SH2B3: variants seen among roughly 807,000 people sequenced by gnomAD.
The protein encoded by SH2B3 is SH2B adaptor protein 3.
In SH2B3, 43 loss-of-function variants were observed where a neutral mutation model predicts 51.9. The observed-to-expected ratio is 0.83, with a 90% CI of 0.65 to 1.07. The LOEUF (loss-of-function observed/expected upper bound fraction) is 1.07. Among genes scored for constraint, SH2B3 ranks in the 50% least tolerant of loss-of-function variants. The pLI is 0.00. For missense variants in SH2B3, 952 were observed against 834.3 expected (o/e 1.14, Z -1.74); for synonymous variants, 396 against 376.0 (o/e 1.05, Z -0.62).
In SH2B3 at chr12:111,429,044, AGG is replaced by A. The variant is rs1299234526; in HGVS notation, c.732+10168_732+10169del. Among the ~76,000 whole-genome samples, 10 of 139,386 alleles carry A rather than the reference AGG, an allele frequency of 7.2e-5. No homozygotes were observed. In the South Asian group the frequency reaches 9.1e-4, roughly 13 times the overall value. 91.4% of individuals were successfully genotyped at this position (139,386 alleles called of 152,430 possible). ...GAGGAGGAGGAGGAGGAGGAGGAGG[AGG>A]AAGAGGAGGAGGAGGAGGAGGAGGG... On this transcript the variant is annotated intron_variant, in intron 2 of 7. Transcript: ENST00000341259. The surrounding 1 kb of genome is among the most constrained non-coding windows in gnomAD (Gnocchi z 4.4).
At position 111,407,630 on chromosome 12, in the gene SH2B3, G is replaced by A. The variant is rs961359202; in HGVS notation, c.-28+1353G>A. Among the ~76,000 whole-genome samples the A allele has an allele frequency of 1.3e-5, 2 of 152,252 alleles. No homozygotes were observed. The highest frequency in any genetic ancestry group is 2.1e-4 in the South Asian group (1 of 4,836). ...AGGGCCTACTGGGGGAAGTTGGAAG[G>A]GTTTTTAGTGCACTTTTCCTGAGCC... On this transcript the variant is annotated intron_variant, in intron 1 of 7. Transcript: ENST00000341259. This position sits in a 1 kb window ranked among gnomAD's most constrained non-coding sequence, Gnocchi z 4.3.
At position 111,406,304 on chromosome 12, in the gene SH2B3, C is replaced by A. The variant is rs1870239932; in HGVS notation, c.-28+27C>A. 2 of 152,300 alleles carry A rather than the reference C, an allele frequency of 1.3e-5. No homozygotes were observed. 9.4% of individuals were successfully genotyped at this position (152,300 alleles called of 1,614,324 possible). A position where few individuals can be genotyped will look rare whatever the true frequency, so the allele number is the denominator to read the frequency against. On this transcript the variant is annotated intron_variant, in intron 1 of 7. Transcript: ENST00000341259. The surrounding 1 kb of genome is among the most constrained non-coding windows in gnomAD (Gnocchi z 5.7). ...TGAGCCCGCGTTTGCCCGCGCTCCC[C>A]TCCTCCGGGGCCGGGAGGGCTTTTG...
chr12:111,416,654 C>T (rs570437998), intron 1 of SH2B3, among the ~76,000 whole-genome samples: 4 of 152,018 alleles, frequency 2.6e-5, no homozygotes, highest in Admixed American at 2.0e-4. Flanking sequence ...CCACCACAGC[C>T]GGCTAATTTT....
intron 2 of SH2B3, among the ~76,000 whole-genome samples, chr12:111,437,249 C>T (rs1240059790): frequency 6.6e-6 from 1 of 152,156 alleles, no homozygotes; most frequent in Non-Finnish European, 1.5e-5. Context: ...CCTCAGATGT[C>T]TGGGAAATAG....
chr12:111,416,300 A>G (rs2135543439), intron 1 of SH2B3, among the ~76,000 whole-genome samples: 1 of 152,048 alleles, frequency 6.6e-6, no homozygotes, highest in African/African-American at 2.4e-5. Context: ...AAATAACAAC[A>G]ATGTCAGCCA....
rs192677829 is a variant in SH2B3, at chr12:111,406,007, G to T, written c.-298G>T. ...GACTGTCGCGGCCCGCGGTGGCGAC[G>T]GCGGCCGCTGCAAAGTTTCCCCGGC... On this transcript the variant is annotated 5_prime_UTR_variant, in exon 1 of 8. Transcript: ENST00000341259. This position sits in a 1 kb window ranked among gnomAD's most constrained non-coding sequence, Gnocchi z 5.7. 1 of 151,624 alleles carries T rather than the reference G, an allele frequency of 6.6e-6. No individual in the cohort carries two copies. The allele number at this position is 151,624 out of a possible 1,614,324, so 9.4% of individuals were successfully genotyped here. A position where few individuals can be genotyped will look rare whatever the true frequency, so the allele number is the denominator to read the frequency against.
At chr12:111,412,035 A>T (rs867159586) in intron 1 of SH2B3, among the ~76,000 whole-genome samples, 1 of 152,166 alleles carries the variant, frequency 6.6e-6, no homozygotes, top group Non-Finnish European at 1.5e-5. Flanking sequence ...GTGCTGGGAT[A>T]GAAGTGTCCC....
intron 1 of SH2B3, among the ~76,000 whole-genome samples, chr12:111,417,077 C>T (rs979408471): frequency 2.0e-5 from 3 of 152,132 alleles, no homozygotes; most frequent in Non-Finnish European, 4.4e-5. Flanking sequence ...TTTGCTTTTT[C>T]GCTTAGTGAA....
In SH2B3 at chr12:111,435,854, G is replaced by C. The variant is rs1872828503; in HGVS notation, c.733-10899G>C. ...AGCCAGGCTGGCCACAGTGGGGGCA[G>C]GAAGGATTCCTATGGGGACAGCTGG... On this transcript the variant is annotated intron_variant, in intron 2 of 7. Transcript: ENST00000341259. The surrounding 1 kb of genome is among the most constrained non-coding windows in gnomAD (Gnocchi z 4.8). 6.6e-6 allele frequency among the ~76,000 whole-genome samples: 1 copy of C among 152,198 alleles called. No individual in the cohort carries two copies. Among genetic ancestry groups the C allele is most frequent in the Admixed American group, 6.5e-5 (1 of 15,286 alleles).
chr12:111,408,616 CTG>C (rs1870429649), intron 1 of SH2B3, among the ~76,000 whole-genome samples: 1 of 152,172 alleles, frequency 6.6e-6, no homozygotes, highest in East Asian at 1.9e-4. Flanking sequence ...TGCCACCTGT[CTG>C]TGGTGAGGGG....
intron 2 of SH2B3, among the ~76,000 whole-genome samples, chr12:111,442,376 G>A (rs1873499115): frequency 1.3e-5 from 2 of 152,204 alleles, no homozygotes; most frequent in African/African-American, 4.8e-5. Flanking sequence ...TGCAGAGCTA[G>A]GCCCAGGCTG....
Position 111,418,613 on chromosome 12 carries a change from G to A in SH2B3, c.468G>A (p.Ala156=). Residue 156 remains alanine (A), a synonymous_variant, in exon 2 of 8, where the codon GCG becomes GCA. Coordinates refer to ENST00000341259, the MANE Select transcript of SH2B3 (RefSeq NM_005475.3). This position sits in a 1 kb window ranked among gnomAD's most constrained non-coding sequence, Gnocchi z 6.7. The part of the protein sequence containing the change: ...FRRRSAGELP[A]AHTAAAPGTP... ...GCCGCTCGGCCGGGGAGCTGCCAGC[G>A]GCCCACACCGCTGCCGCCCCCGGGA... The A allele has an allele frequency of 6.7e-7, 1 of 1,481,904 alleles. No homozygotes were observed. The highest frequency in any genetic ancestry group is 2.2e-4 in the Middle Eastern group (1 of 4,534). The allele number at this position is 1,481,904 out of a possible 1,614,324, so 91.8% of individuals were successfully genotyped here. A position where few individuals can be genotyped will look rare whatever the true frequency, so the allele number is the denominator to read the frequency against.
chr12:111,411,965 G>C (rs1870734151), intron 1 of SH2B3, among the ~76,000 whole-genome samples: 1 of 152,138 alleles, frequency 6.6e-6, no homozygotes, highest in African/African-American at 2.4e-5. Context: ...CTGGGTGCTA[G>C]GGCCCCTCTG....
chr12:111,428,910 C>T (rs1444990038), intron 2 of SH2B3, among the ~76,000 whole-genome samples: 3 of 151,532 alleles, frequency 2.0e-5, no homozygotes, highest in African/African-American at 7.3e-5. Context: ...AGAGCCTGGG[C>T]GGGGATGCAG....
chr12:111,439,537 G>A (rs947539712), intron 2 of SH2B3, among the ~76,000 whole-genome samples: 1 of 152,168 alleles, frequency 6.6e-6, no homozygotes, highest in Non-Finnish European at 1.5e-5. Flanking sequence ...GCCCGCCTCG[G>A]CCTCCCAAAG....
At chr12:111,437,754 A>G (rs1593064305) in intron 2 of SH2B3, among the ~76,000 whole-genome samples, 2 of 152,128 alleles carry the variant, frequency 1.3e-5, no homozygotes, top group Admixed American at 1.3e-4. Context: ...CCCCCCAAGG[A>G]GCTTGGGAAA....
intron 2 of SH2B3, among the ~76,000 whole-genome samples, chr12:111,424,754 G>A (rs1871856766): frequency 6.6e-6 from 1 of 152,182 alleles, no homozygotes; most frequent in African/African-American, 2.4e-5. Flanking sequence ...GATGGGCCAA[G>A]GGTGCTCAGA....
chr12:111,447,629 C>G, intron 6 of SH2B3, 27 bp from the exon 7 acceptor site: 1 of 1,609,092 alleles, frequency 6.2e-7, no homozygotes, highest in African/African-American at 1.3e-5. Context: ...AGGGACAGCC[C>G]GAGCCCACCA....
At chr12:111,433,115 G>A (rs929900060) in intron 2 of SH2B3, among the ~76,000 whole-genome samples, 3 of 152,216 alleles carry the variant, frequency 2.0e-5, no homozygotes, top group African/African-American at 4.8e-5. Flanking sequence ...ACTTTGGGGG[G>A]CTAAGGCAGG....
Sources: allele counts gnomAD v4.1 joint callset (sites outside exome capture counted in the v4.1 genomes callset), GRCh38; gene constraint gnomAD v4.1.1; non-coding constraint Gnocchi (gnomAD v3.1); transcripts MANE v1.5; gene names NCBI Gene and HGNC (gene_info 2026-07-23, HGNC 2026-07-21).